TTC14: variants seen among roughly 807,000 people sequenced by gnomAD.
TTC14 encodes the protein tetratricopeptide repeat domain 14, also known as tetratricopeptide repeat protein 14.
Under a neutral mutation model 79.9 loss-of-function variants are expected in TTC14, and 63 were observed. That is an observed-to-expected ratio of 0.79 (90% CI 0.64 to 0.97). TTC14 has a LOEUF of 0.97. Among genes scored for constraint, TTC14 ranks in the 50% least tolerant of loss-of-function variants. TTC14 has a pLI of 0.00. For synonymous variants in TTC14, 335 were observed against 309.6 expected, an observed-to-expected ratio of 1.08 and a Z score of -0.86; for missense variants, 895 against 894.0, an observed-to-expected ratio of 1.00 and a Z score of -0.01.
intron 1 of TTC14, 150 bp downstream of exon 1, chr3:180,602,572 G>C (rs1336119875): frequency 6.8e-5 from 75 of 1,109,300 alleles, no homozygotes; most frequent in Non-Finnish European, 8.2e-5. Flanking sequence ...TGGGTGGACG[G>C]GGGGCGCTCC....
downstream of TTC14, among the ~76,000 whole-genome samples, chr3:180,615,635 A>G (rs764423574): frequency 6.6e-6 from 1 of 152,260 alleles, no homozygotes; most frequent in African/African-American, 2.4e-5. Flanking sequence ...GGGCCTCTTC[A>G]TGAAATTTTT....
In TTC14 at chr3:180,604,231, T is replaced by A; in HGVS notation, c.493T>A (p.Cys165Ser). 1 of 1,612,614 alleles carries A rather than the reference T, an allele frequency of 6.2e-7. No homozygotes were observed. Among genetic ancestry groups the A allele is most frequent in the Non-Finnish European group, 8.5e-7 (1 of 1,179,142 alleles). Reference sequence around the variant, plus strand: ...AAAATACTTCTCATTACAGGCTCTTTGTCCCTTAAGAGATGTGCCTTCTCA... The same window carrying A: ...AAAATACTTCTCATTACAGGCTCTTAGTCCCTTAAGAGATGTGCCTTCTCA... ...DIAHLEITAL[C>S]PLRDVPSHSN... is the part of the protein sequence containing the mutation. The change falls in exon 4 of 12, where the codon TGT becomes AGT. Residue 165 changes from cysteine to serine, a missense_variant. Transcript: ENST00000296015.
At position 180,610,749 on chromosome 3, in the gene TTC14, A is replaced by G. The variant is rs1182834037; in HGVS notation, c.*207A>G. On this transcript the variant is annotated 3_prime_UTR_variant, in exon 12 of 12. Coordinates refer to ENST00000296015, the MANE Select transcript of TTC14 (RefSeq NM_133462.4). ...AGCTTGGTTTTTAGACTTTTTATGT[A>G]TATGTTTATGTACAGTATATTACTC... 2 of 1,266,328 alleles carry G rather than the reference A, an allele frequency of 1.6e-6. No individual in the cohort carries two copies. The highest frequency in any genetic ancestry group is 4.0e-5 in the Admixed American group (1 of 24,810). The allele number at this position is 1,266,328 out of a possible 1,614,324, so 78.4% of individuals were successfully genotyped here. A position where few individuals can be genotyped will look rare whatever the true frequency, so the allele number is the denominator to read the frequency against.
At chr3:180,602,545 G>A in intron 1 of TTC14, 123 bp downstream of exon 1, 6 of 1,321,788 alleles carry the variant, frequency 4.5e-6, no homozygotes, top group South Asian at 3.0e-5. Context: ...GGACGATCGC[G>A]CGCTGGTGTC....
chr3:180,616,171 G>A (rs1015959368), intron 12 of TTC14: 1 of 819,068 alleles, frequency 1.2e-6, no homozygotes, highest in Non-Finnish European at 2.1e-6. Context: ...AAGAACACTG[G>A]CAGTGAGTGC....
At position 180,610,929 on chromosome 3, in the gene TTC14, A is replaced by G; in HGVS notation, c.*387A>G. The G allele has an allele frequency of 1.0e-6, 1 of 980,646 alleles. No individual in the cohort carries two copies. Among genetic ancestry groups the G allele is most frequent in the Non-Finnish European group, 1.2e-6 (1 of 825,482 alleles). 60.7% of individuals were successfully genotyped at this position (980,646 alleles called of 1,614,324 possible). ...ACTTGGATCATTTTTATAAAAATTAATTTCATTTTCTTTTCTGTTAAATTA... is the reference window on the plus strand; with the variant it reads ...ACTTGGATCATTTTTATAAAAATTAGTTTCATTTTCTTTTCTGTTAAATTA... On this transcript the variant is annotated 3_prime_UTR_variant, in exon 12 of 12. Coordinates refer to ENST00000296015, the MANE Select transcript of TTC14 (RefSeq NM_133462.4).
At chr3:180,608,851 A>G in intron 11 of TTC14, 41 bp downstream of exon 11, 1 of 1,390,202 alleles carries the variant, frequency 7.2e-7, no homozygotes, top group Non-Finnish European at 9.4e-7. Flanking sequence ...TAAGGCAACT[A>G]CTGAATTGAA....
chr3:180,608,558 A>AT, intron 10 of TTC14, 143 bp from the exon 11 acceptor site: 1 of 1,269,474 alleles, frequency 7.9e-7, no homozygotes, highest in Non-Finnish European at 1.0e-6. Flanking sequence ...TTTATGTTAA[A>AT]AAAATACTGT....
chr3:180,609,657 T>C lies in TTC14; in HGVS notation c.1428T>C (p.Thr476=). The change falls in exon 12 of 12, where the codon ACT becomes ACC. Residue 476 remains threonine (T), a synonymous_variant. Transcript: ENST00000296015. ...TAAAGAAGAAAAGAAGAAAATCAAC[T>C]TCTTCTTCAAGTGTTTCTTCTGCTG... is the stretch of plus-strand genomic sequence containing the variant. ...KRLKKKRRKS[T]SSSSVSSADE... 6.4e-7 allele frequency: 1 copy of C among 1,568,370 alleles called. No homozygotes were observed. The highest frequency in any genetic ancestry group is 8.6e-7 in the Non-Finnish European group (1 of 1,163,912).
chr3:180,614,831 TC>T, downstream of TTC14: 1 of 1,201,876 alleles, frequency 8.3e-7, no homozygotes, highest in Non-Finnish European at 1.2e-6. Context: ...TTTTACACTT[TC>T]CACTAGATAA....
At chr3:180,617,115 G>T in intron 12 of TTC14, 2 of 560,648 alleles carry the variant, frequency 3.6e-6, no homozygotes, top group Non-Finnish European at 6.1e-6. Flanking sequence ...ATGACATCTC[G>T]GTCAATGATG....
At chr3:180,614,635 G>C (rs927236593), downstream of TTC14, 1 of 285,020 alleles carries the variant, frequency 3.5e-6, no homozygotes, top group African/African-American at 2.2e-5. Context: ...AAATAATGAA[G>C]CAAACTATTT....
At chr3:180,616,414 A>T (rs1717244366) in intron 12 of TTC14, 10 of 1,532,184 alleles carry the variant, frequency 6.5e-6, no homozygotes, top group Non-Finnish European at 8.8e-6. Context: ...GTTTTTTAGA[A>T]GATAAATATT....
downstream of TTC14, among the ~76,000 whole-genome samples, chr3:180,612,256 A>C (rs1232756781): frequency 6.6e-6 from 1 of 152,208 alleles, no homozygotes; most frequent in African/African-American, 2.4e-5. Context: ...ACAACATTTA[A>C]AAAATTTTTT....
chr3:180,604,932 G>A lies in TTC14; in HGVS notation c.782G>A (p.Gly261Glu), dbSNP rs777989500. The A allele has an allele frequency of 3.1e-6, 5 of 1,614,006 alleles. No individual in the cohort carries two copies. The highest frequency in any genetic ancestry group is 4.2e-6 in the Non-Finnish European group (5 of 1,179,952). ...MQSSLGFVNP[G>E]VVEFLLEKLG... ...AGTTCCTTGGGATTTGTTAATCCAG[G>A]AGTAGTTGAATTCCTTCTAGAAAAA... is the stretch of plus-strand genomic sequence containing the variant. The change falls in exon 6 of 12, where the codon GGA becomes GAA. Residue 261 changes from glycine to glutamate, a missense_variant. Coordinates refer to ENST00000296015, the MANE Select transcript of TTC14 (RefSeq NM_133462.4).
In TTC14 at chr3:180,604,880, T is replaced by C. The variant is rs764939923; in HGVS notation, c.730T>C (p.Leu244=). 1 of 1,613,256 alleles carries C rather than the reference T, an allele frequency of 6.2e-7. No individual in the cohort carries two copies. Among genetic ancestry groups the C allele is most frequent in the Non-Finnish European group, 8.5e-7 (1 of 1,179,770 alleles). ...AAGTGTTGAGCTAAATAGCAATTCT[T>C]TGGAGTCCTATGAAAATGTCATGCA... ...RRSVELNSNS[L]ESYENVMQSS... The change falls in exon 6 of 12, where the codon TTG becomes CTG. Residue 244 remains leucine (L), a synonymous_variant. Coordinates refer to ENST00000296015, the MANE Select transcript of TTC14 (RefSeq NM_133462.4).
At position 180,604,970 on chromosome 3, in the gene TTC14, G is replaced by T. The variant is rs776359079; in HGVS notation, c.820G>T (p.Glu274Ter). 5.6e-6 allele frequency: 9 copies of T among 1,613,532 alleles called. No homozygotes were observed. The highest frequency in any genetic ancestry group is 1.7e-5 in the Admixed American group (1 of 59,938). The change falls in exon 6 of 12, where the codon GAA becomes TAA. Residue 274 changes from glutamate (E) to a stop codon, truncating the protein, a stop_gained. Coordinates refer to ENST00000296015, the MANE Select transcript of TTC14 (RefSeq NM_133462.4). LOFTEE classifies it high-confidence loss of function. Reference sequence around the variant, plus strand: ...CCTTCTAGAAAAACTAGGAATAGATGAATCTAATCCACCATCTTTAATGAG... The same window carrying T: ...CCTTCTAGAAAAACTAGGAATAGATTAATCTAATCCACCATCTTTAATGAG... ...EFLLEKLGIDESNPPSLMRGL... is the reference protein window; with the variant it reads ...EFLLEKLGID
chr3:180,603,401 G>A (rs1324576076), intron 3 of TTC14, 78 bp downstream of exon 3: 3 of 1,263,126 alleles, frequency 2.4e-6, no homozygotes, highest in South Asian at 1.2e-5. Context: ...TTTGCATGCA[G>A]TTGTGCTCAA....
At position 180,606,610 on chromosome 3, in the gene TTC14, A is replaced by G. The variant is rs749691418; in HGVS notation, c.1172+7A>G. ...TTGTAGAGAGAGGAGGACAGTAAGT[A>G]TCAGATTTTGTTTAATAGTGGAGGT... On this transcript the variant is annotated splice_region_variant and intron_variant, in intron 9 of 11. Transcript: ENST00000296015. 2 of 1,606,070 alleles carry G rather than the reference A, an allele frequency of 1.2e-6. No individual in the cohort carries two copies. The highest frequency in any genetic ancestry group is 1.3e-5 in the African/African-American group (1 of 74,380).
Sources: allele counts gnomAD v4.1 joint callset (sites outside exome capture counted in the v4.1 genomes callset), GRCh38; gene constraint gnomAD v4.1.1; transcripts MANE v1.5; gene names NCBI Gene and HGNC (gene_info 2026-07-23, HGNC 2026-07-21).